Variants in PCTP observed in about 807,000 individuals in gnomAD.
PCTP encodes START domain-containing protein 2.
A neutral mutation model predicts 31.0 loss-of-function variants in PCTP; 27 were observed. The ratio of observed to expected loss-of-function variants is 0.87; its 90% CI spans 0.64 to 1.20. The LOEUF is 1.20. Among genes scored for constraint, PCTP ranks in the 50% most tolerant of loss-of-function variants. The pLI is 0.00. For synonymous variants in PCTP, 108 were observed against 101.2 expected (o/e 1.07, Z -0.40); for missense variants, 287 against 268.2 (o/e 1.07, Z -0.49).
intron 3 of PCTP, among the ~76,000 whole-genome samples, chr17:55,773,023 A>G (rs1263150709): frequency 6.6e-6 from 1 of 152,220 alleles, no homozygotes; most frequent in Non-Finnish European, 1.5e-5. Flanking sequence ...ATAGACTTTC[A>G]TTATCCTCCC....
At chr17:55,754,330 A>G (rs1909876415) in intron 1 of PCTP, among the ~76,000 whole-genome samples, 1 of 152,234 alleles carries the variant, frequency 6.6e-6, no homozygotes, top group Non-Finnish European at 1.5e-5. Flanking sequence ...TTAATTTACT[A>G]GAGAGGCTGA....
At chr17:55,851,431 A>G in the PCTP span, among the ~76,000 whole-genome samples, 62 of 152,322 alleles carry the variant, frequency 4.1e-4, no homozygotes, top group African/African-American at 1.4e-3. Context: ...CTCAGCTAGC[A>G]CGTTGAATTG....
chr17:55,792,923 C>T (rs752173744), intron 3 of PCTP, among the ~76,000 whole-genome samples: 4 of 152,046 alleles, frequency 2.6e-5, no homozygotes, highest in Non-Finnish European at 4.4e-5. Context: ...TGGCTTTGCA[C>T]CAAGGGTATG....
At chr17:55,767,765 C>CTTTTTTTTTTTTTTTTTTTTTTTTTTTTT in intron 2 of PCTP, among the ~76,000 whole-genome samples, 1 of 103,496 alleles carries the variant, frequency 9.7e-6, no homozygotes, top group Non-Finnish European at 1.8e-5. Context: ...GCACCCAGTG[C>CTTTTTTTTTTTTTTTTTTTTTTTTTTTTT]TTTTTTTTTT....
intron 1 of PCTP, among the ~76,000 whole-genome samples, chr17:55,758,103 T>C (rs1230077950): frequency 6.6e-6 from 1 of 152,088 alleles, no homozygotes; most frequent in Non-Finnish European, 1.5e-5. Context: ...GCCCATAGAG[T>C]GTGGAACCAG....
chr17:55,818,250 AT>A (rs34076936), intron 3 of PCTP, among the ~76,000 whole-genome samples: 1 of 152,122 alleles, frequency 6.6e-6, no homozygotes, highest in Non-Finnish European at 1.5e-5. Context: ...GTAGGCATGT[AT>A]TTTTTGAAAG....
chr17:55,813,912 C>A (rs887512988), intron 3 of PCTP, among the ~76,000 whole-genome samples: 4 of 152,072 alleles, frequency 2.6e-5, no homozygotes, highest in African/African-American at 9.7e-5. Context: ...CATAGTGGCA[C>A]ATGCCTGTGG....
chr17:55,786,653 CTT>C (rs993542732), intron 2 of PCTP, among the ~76,000 whole-genome samples: 4 of 152,174 alleles, frequency 2.6e-5, no homozygotes, highest in African/African-American at 7.2e-5. Context: ...AACTCTATCT[CTT>C]TGGGTGTAAG....
chr17:55,757,561 G>A (rs72841700), intron 1 of PCTP, among the ~76,000 whole-genome samples: 1 of 41,824 alleles, frequency 2.4e-5, no homozygotes, highest in African/African-American at 3.2e-5. Context: ...ACATGTATAT[G>A]TGTGTGTGTA....
chr17:55,841,579 G>T (rs1905983126), intron 5 of PCTP, among the ~76,000 whole-genome samples: 1 of 152,128 alleles, frequency 6.6e-6, no homozygotes, highest in Admixed American at 6.5e-5. Flanking sequence ...TAATGCCACG[G>T]TCTGTGGTTT....
chr17:55,791,571 G>A (rs1598000112), intron 3 of PCTP, among the ~76,000 whole-genome samples: 1 of 148,544 alleles, frequency 6.7e-6, no homozygotes, highest in Admixed American at 6.7e-5. Context: ...ACCATCACTG[G>A]CCATCAGAGA....
rs1017094645 is a variant in PCTP, at chr17:55,776,767, C to G, written c.*667C>G. On this transcript the variant is annotated 3_prime_UTR_variant, in exon 6 of 6. Coordinates refer to ENST00000268896, the MANE Select transcript of PCTP (RefSeq NM_021213.4). ...TTTGGAGAAGTATCAGAGGCCTGAC[C>G]GGACACATAATATGACAACCACATT... The G allele has an allele frequency of 2.6e-6, 3 of 1,133,726 alleles. No individual in the cohort carries two copies. Among genetic ancestry groups the G allele is most frequent in the Non-Finnish European group, 3.2e-6 (3 of 926,048 alleles). The allele number at this position is 1,133,726 out of a possible 1,614,324, so 70.2% of individuals were successfully genotyped here.
chr17:55,751,102 G>C lies in PCTP; in HGVS notation c.-2G>C. ...AGGCGGAGGAGCCCGGACTGCGGAA[G>C]GATGGAGCTGGCCGCCGGAAGCTTC... On this transcript the variant is annotated 5_prime_UTR_variant, in exon 1 of 6. Coordinates refer to ENST00000268896, the MANE Select transcript of PCTP (RefSeq NM_021213.4). 1 of 1,536,358 alleles carries C rather than the reference G, an allele frequency of 6.5e-7. No individual in the cohort carries two copies. Among genetic ancestry groups the C allele is most frequent in the Admixed American group, 2.0e-5 (1 of 49,492 alleles).
At chr17:55,836,325 T>A (rs2145086473) in intron 5 of PCTP, among the ~76,000 whole-genome samples, 1 of 152,362 alleles carries the variant, frequency 6.6e-6, no homozygotes, top group South Asian at 2.1e-4. Flanking sequence ...CAACTGATAC[T>A]ACTTGTGTAC....
chr17:55,770,105 C>T (rs1910901565), intron 2 of PCTP: 1 of 152,242 alleles, frequency 6.6e-6, no homozygotes. Context: ...CTGCACAGCA[C>T]AGTCTGGGGA....
In PCTP at chr17:55,821,573, A is replaced by T. The variant is rs1030354280; in HGVS notation, c.318-1188A>T. Among the ~76,000 whole-genome samples, 3 of 152,230 alleles carry T rather than the reference A, an allele frequency of 2.0e-5. No homozygotes were observed. In the East Asian group the frequency reaches 5.8e-4, roughly 29 times the overall value. ...ACCAACAATACAAATAGCTATTGTT[A>T]ATTTAGCACTTTCTAAATGCTAGGT... On this transcript the variant is annotated intron_variant, in intron 3 of 3. Coordinates refer to the PCTP transcript ENST00000572536.
At chr17:55,845,085 CAAAAAA>C (rs891404386), downstream of PCTP, among the ~76,000 whole-genome samples, 412 of 32,498 alleles carry the variant, frequency 0.013, no homozygotes, top group Middle Eastern at 0.02. Flanking sequence ...AAAACTCCAT[CAAAAAA>C]AAAAAAAAAA....
intron 3 of PCTP, among the ~76,000 whole-genome samples, chr17:55,772,988 G>T (rs145382369): frequency 2.0e-5 from 3 of 152,296 alleles, no homozygotes; most frequent in East Asian, 1.9e-4. Flanking sequence ...ATAAAGGCTC[G>T]ATAAGTAGTG....
chr17:55,820,083 G>T (rs991985104), intron 3 of PCTP, among the ~76,000 whole-genome samples: 1 of 152,024 alleles, frequency 6.6e-6, no homozygotes, highest in East Asian at 1.9e-4. Context: ...GAAAACATAG[G>T]GGCAAATTTT....
Sources: allele counts gnomAD v4.1 joint callset (sites outside exome capture counted in the v4.1 genomes callset), GRCh38; gene constraint gnomAD v4.1.1; transcripts MANE v1.5; gene names NCBI Gene and HGNC (gene_info 2026-07-23, HGNC 2026-07-21).